FMN1: variants seen among roughly 807,000 people sequenced by gnomAD.
FMN1 encodes the protein formin 1.
In FMN1, 110 loss-of-function variants were observed where a neutral mutation model predicts 132.4. That is an observed-to-expected ratio of 0.83 (90% CI 0.71 to 0.97). The LOEUF is 0.97. Ranked by LOEUF, FMN1 falls within the 50% of genes least tolerant of loss-of-function variation. FMN1 has a pLI of 0.00. For synonymous variants in FMN1, 722 were observed against 651.7 expected (o/e 1.11, Z -1.64); for missense variants, 1,792 against 1,705.3 (o/e 1.05, Z -0.90).
intron 4 of FMN1, among the ~76,000 whole-genome samples, chr15:33,114,937 T>G (rs2039857000): frequency 6.6e-6 from 1 of 152,108 alleles, no homozygotes; most frequent in African/African-American, 2.4e-5. Context: ...CTGAAAAGTT[T>G]AGGGGTCTGG....
chr15:33,017,213 G>A (rs1032575084), intron 6 of FMN1, among the ~76,000 whole-genome samples: 3 of 152,040 alleles, frequency 2.0e-5, no homozygotes, highest in Non-Finnish European at 2.9e-5. Flanking sequence ...TTTTAGGACA[G>A]TGCAACTACT....
intron 6 of FMN1, among the ~76,000 whole-genome samples, chr15:33,050,156 TA>T (rs1228793016): frequency 6.6e-6 from 1 of 152,232 alleles, no homozygotes; most frequent in African/African-American, 2.4e-5. Context: ...TGATGTTCAG[TA>T]GGTTAGGCGT....
intron 12 of FMN1, 133 bp downstream of exon 12, chr15:32,908,357 C>A: frequency 1.6e-6 from 1 of 624,020 alleles, no homozygotes; most frequent in Non-Finnish European, 2.9e-6. Flanking sequence ...CTGCATGCAA[C>A]AGGTCACAGG....
At chr15:33,173,341 A>G (rs181685493) in intron 3 of FMN1, among the ~76,000 whole-genome samples, 1 of 152,364 alleles carries the variant, frequency 6.6e-6, no homozygotes, top group East Asian at 1.9e-4. Flanking sequence ...GACAGAAGAA[A>G]GAAGGTAGAA....
chr15:33,174,457 T>C (rs1193534395), intron 3 of FMN1, among the ~76,000 whole-genome samples: 2 of 152,246 alleles, frequency 1.3e-5, no homozygotes, highest in East Asian at 3.8e-4. Flanking sequence ...TCTGAGCCAG[T>C]ATTTTGTGTA....
chr15:33,008,871 G>C (rs781137800), intron 6 of FMN1, among the ~76,000 whole-genome samples: 10 of 152,126 alleles, frequency 6.6e-5, no homozygotes, highest in Non-Finnish European at 1.5e-4. Flanking sequence ...ACATTTTTGT[G>C]AGATAAGCCA....
intron 4 of FMN1, among the ~76,000 whole-genome samples, chr15:33,134,829 C>T (rs546567960): frequency 6.6e-6 from 1 of 152,280 alleles, no homozygotes; most frequent in East Asian, 1.9e-4. Flanking sequence ...TGGCAAAACC[C>T]CATCTCTACT....
chr15:32,910,389 C>T (rs2060529066), intron 11 of FMN1, 85 bp downstream of exon 11: 13 of 1,138,086 alleles, frequency 1.1e-5, no homozygotes, highest in Non-Finnish European at 1.7e-5. Context: ...AAAACCCTTA[C>T]TACCAAAGAA....
chr15:33,023,772 G>A (rs2035534776), intron 6 of FMN1, among the ~76,000 whole-genome samples: 1 of 152,110 alleles, frequency 6.6e-6, no homozygotes, highest in South Asian at 2.1e-4. Flanking sequence ...TATAAATAAA[G>A]CCAAGCAACA....
chr15:33,126,620 G>A (rs932034207), intron 4 of FMN1, among the ~76,000 whole-genome samples: 46 of 152,346 alleles, frequency 3.0e-4, no homozygotes, highest in Non-Finnish European at 4.1e-4. Flanking sequence ...GGAAGCAGCA[G>A]GAAATGGGCG....
intron 12 of FMN1, among the ~76,000 whole-genome samples, chr15:32,907,183 C>T (rs957332684): frequency 6.6e-6 from 1 of 152,020 alleles, no homozygotes; most frequent in African/African-American, 2.4e-5. Flanking sequence ...ATTTATTGTG[C>T]ACTTTATTTC....
At position 32,845,085 on chromosome 15, in the gene FMN1, T is replaced by A. The variant is rs575013953; in HGVS notation, c.3928+11930A>T. ...AATAACTCCCAGAAGGCAATACAGG[T>A]GTTAAGCTCTTTCATTATGAAGAAG... On this transcript the variant is annotated intron_variant, in intron 17 of 20. Transcript: ENST00000616417. Among the ~76,000 whole-genome samples, 15 of 152,356 alleles carry A rather than the reference T, an allele frequency of 9.8e-5. No individual in the cohort carries two copies. In the South Asian group the frequency reaches 2.5e-3, roughly 25 times the overall value.
intron 4 of FMN1, chr15:33,150,181 T>C (rs1385320872): frequency 1.0e-6 from 1 of 985,276 alleles, no homozygotes; most frequent in Non-Finnish European, 1.2e-6. Flanking sequence ...CTAAAAGGGT[T>C]TACTTTGAAT....
chr15:32,828,575 TTGGATAATA>T (rs1311821869), intron 17 of FMN1, among the ~76,000 whole-genome samples: 1 of 152,104 alleles, frequency 6.6e-6, no homozygotes, highest in Non-Finnish European at 1.5e-5. Flanking sequence ...AGCTAACAAT[TTGGATAATA>T]GTACTGCTTT....
At chr15:33,131,951 A>G (rs1963567424) in intron 4 of FMN1, among the ~76,000 whole-genome samples, 1 of 152,190 alleles carries the variant, frequency 6.6e-6, no homozygotes, top group East Asian at 1.9e-4. Context: ...GACCCTCTCT[A>G]CAAGAAGGAG....
chr15:33,108,386 G>C (rs1268315872), intron 4 of FMN1, among the ~76,000 whole-genome samples: 1 of 152,052 alleles, frequency 6.6e-6, no homozygotes, highest in African/African-American at 2.4e-5. Flanking sequence ...ACTCCCATGA[G>C]TAGGGAAAGG....
intron 7 of FMN1, among the ~76,000 whole-genome samples, chr15:32,987,253 T>C (rs1391074602): frequency 6.6e-6 from 1 of 152,194 alleles, no homozygotes; most frequent in Non-Finnish European, 1.5e-5. Context: ...ACATGACCGC[T>C]GTAGCGTTTC....
intron 17 of FMN1, among the ~76,000 whole-genome samples, chr15:32,855,985 C>T (rs1177395151): frequency 6.6e-6 from 1 of 152,158 alleles, no homozygotes; most frequent in Non-Finnish European, 1.5e-5. Flanking sequence ...AGAGAGAAAT[C>T]TGACTTCTCC....
rs2056249908 is a variant in FMN1 at position 32,771,671 on chromosome 15, G to A, written c.*2639C>T. The A allele has an allele frequency of 6.6e-6, 1 of 152,188 alleles. No homozygotes were observed. The highest frequency in any genetic ancestry group is 1.5e-5 in the Non-Finnish European group (1 of 68,048). The allele number at this position is 152,188 out of a possible 1,614,324, so 9.4% of individuals were successfully genotyped here. A position where few individuals can be genotyped will look rare whatever the true frequency, so the allele number is the denominator to read the frequency against. ...TTCAGGGAGGGCTATGCCTAGAACA[G>A]CCACTTAAAGCCTGCTGGCAGGATG... On this transcript the variant is annotated 3_prime_UTR_variant, in exon 21 of 21. Coordinates refer to ENST00000616417, the MANE Select transcript of FMN1 (RefSeq NM_001277313.2).
Sources: gnomAD v4.1 joint callset for allele counts (sites outside exome capture counted in the v4.1 genomes callset) on GRCh38, gnomAD v4.1.1 for gene constraint, MANE v1.5 for transcripts, NCBI Gene and HGNC (gene_info 2026-07-23, HGNC 2026-07-21) for gene names.